Variants in LURAP1 observed in about 807,000 individuals in gnomAD.
LURAP1 encodes leucine rich adaptor protein 1, also known as NF-kappa-B activator C1orf190.
A neutral mutation model predicts 19.0 loss-of-function variants in LURAP1; 14 were observed. The observed-to-expected ratio is 0.74, with a 90% CI of 0.49 to 1.15. The LOEUF is 1.15. Ranked by LOEUF, LURAP1 falls within the 50% of genes most tolerant of loss-of-function variation. The pLI, the probability that LURAP1 is intolerant of heterozygous loss-of-function variation, is 0.00. For synonymous variants in LURAP1, 129 were observed against 131.8 expected, an observed-to-expected ratio of 0.98 and a Z score of 0.14; for missense variants, 273 against 309.1, an observed-to-expected ratio of 0.88 and a Z score of 0.87.
At chr1:46,209,476 C>T (rs1178609160) in intron 1 of LURAP1, among the ~76,000 whole-genome samples, 1 of 152,030 alleles carries the variant, frequency 6.6e-6, no homozygotes, top group Non-Finnish European at 1.5e-5. Flanking sequence ...ACTGTGCAAC[C>T]AGGTGCCACC....
At chr1:46,216,412 G>A (rs1334048537) in intron 1 of LURAP1, among the ~76,000 whole-genome samples, 1 of 152,016 alleles carries the variant, frequency 6.6e-6, no homozygotes, top group Non-Finnish European at 1.5e-5. Context: ...CACCACCATG[G>A]ATCACTGCAG....
At chr1:46,206,024 A>G (rs924684794) in intron 1 of LURAP1, among the ~76,000 whole-genome samples, 1 of 152,202 alleles carries the variant, frequency 6.6e-6, no homozygotes, top group Non-Finnish European at 1.5e-5. Context: ...TCTACCCTCC[A>G]TTCAAAGGTT....
chr1:46,215,598 GAAAATT>G (rs1306158985), intron 1 of LURAP1, among the ~76,000 whole-genome samples: 1 of 152,176 alleles, frequency 6.6e-6, no homozygotes, highest in African/African-American at 2.4e-5. Flanking sequence ...GGCTAACACT[GAAAATT>G]AAAAGACATG....
At chr1:46,203,767 G>C in intron 1 of LURAP1, 143 bp downstream of exon 1, 1 of 751,606 alleles carries the variant, frequency 1.3e-6, no homozygotes, top group East Asian at 3.2e-5. Flanking sequence ...AGATCAATCC[G>C]TAAACGCTGG....
chr1:46,204,520 G>A (rs1658652885), intron 1 of LURAP1, among the ~76,000 whole-genome samples: 1 of 144,166 alleles, frequency 6.9e-6, no homozygotes. Context: ...CAGTGAGTAC[G>A]TCAGCTAAAG....
intron 1 of LURAP1, among the ~76,000 whole-genome samples, chr1:46,215,691 G>T (rs1250794928): frequency 6.6e-6 from 1 of 152,188 alleles, no homozygotes; most frequent in Non-Finnish European, 1.5e-5. Context: ...TTGAGCTCAG[G>T]AGTTTGAGAC....
At chr1:46,216,534 G>A (rs1299118374) in intron 1 of LURAP1, among the ~76,000 whole-genome samples, 1 of 152,068 alleles carries the variant, frequency 6.6e-6, no homozygotes. Flanking sequence ...TAGAGACAGT[G>A]TCTCACTCTG....
At chr1:46,218,901 C>T (rs2148254905) in intron 1 of LURAP1, among the ~76,000 whole-genome samples, 1 of 152,202 alleles carries the variant, frequency 6.6e-6, no homozygotes, top group Admixed American at 6.5e-5. Flanking sequence ...CTTTATTCCC[C>T]AGCTCCTGCC....
intron 1 of LURAP1, among the ~76,000 whole-genome samples, chr1:46,208,565 C>T (rs998008955): frequency 6.6e-6 from 1 of 152,020 alleles, no homozygotes; most frequent in African/African-American, 2.4e-5. Flanking sequence ...GATTGAGGGC[C>T]GGCACGGTGG....
intron 1 of LURAP1, among the ~76,000 whole-genome samples, chr1:46,215,238 A>G (rs2148250438): frequency 6.6e-6 from 1 of 152,096 alleles, no homozygotes; most frequent in African/African-American, 2.4e-5. Context: ...AAAAAAAAAA[A>G]AAAAAGAGAT....
At chr1:46,213,396 C>T (rs1269678416) in intron 1 of LURAP1, among the ~76,000 whole-genome samples, 1 of 113,094 alleles carries the variant, frequency 8.8e-6, no homozygotes, top group South Asian at 2.8e-4. Context: ...CTAGTTTGTG[C>T]ATTTACCCTG....
intron 1 of LURAP1, among the ~76,000 whole-genome samples, chr1:46,208,161 A>G (rs1044268553): frequency 4.6e-5 from 7 of 151,646 alleles, no homozygotes; most frequent in African/African-American, 1.5e-4. Flanking sequence ...CACCAGCCTT[A>G]TTTATTTTTT....
rs1659201530 is a variant in LURAP1, at chr1:46,220,313, A to G, written c.*93A>G. ...ATTCTCCCTCAGTCTGAGACTAGGA[A>G]GAGGCTGCACTGAAATCAGTTACCA... On this transcript the variant is annotated 3_prime_UTR_variant, in exon 2 of 2. Coordinates refer to ENST00000371980, the MANE Select transcript of LURAP1 (RefSeq NM_001013615.3). The G allele has an allele frequency of 3.7e-6, 5 of 1,346,790 alleles. No individual in the cohort carries two copies. Among genetic ancestry groups the G allele is most frequent in the Admixed American group, 2.2e-5 (1 of 44,586 alleles). 83.4% of individuals were successfully genotyped at this position (1,346,790 alleles called of 1,614,324 possible). A position where few individuals can be genotyped will look rare whatever the true frequency, so the allele number is the denominator to read the frequency against.
In LURAP1 at chr1:46,203,354, G is replaced by C. The variant is rs1180324079; in HGVS notation, c.-73G>C. The C allele has an allele frequency of 7.3e-7, 1 of 1,371,602 alleles. No homozygotes were observed. The highest frequency in any genetic ancestry group is 1.5e-5 in the African/African-American group (1 of 65,866). 85.0% of individuals were successfully genotyped at this position (1,371,602 alleles called of 1,614,324 possible). A position where few individuals can be genotyped will look rare whatever the true frequency, so the allele number is the denominator to read the frequency against. On this transcript the variant is annotated 5_prime_UTR_variant, in exon 1 of 2. Coordinates refer to ENST00000371980, the MANE Select transcript of LURAP1 (RefSeq NM_001013615.3). ...CCACCGGTTTTGCTCCGCTTTAGCA[G>C]CGGCGAAGGGAGGACCCCCGGGAGC...
At chr1:46,205,994 C>T (rs1445261770) in intron 1 of LURAP1, among the ~76,000 whole-genome samples, 3 of 152,192 alleles carry the variant, frequency 2.0e-5, no homozygotes, top group African/African-American at 4.8e-5. Context: ...CTCTAGGCCT[C>T]GTCCCTCCTG....
chr1:46,207,184 G>A (rs1441200374), intron 1 of LURAP1, among the ~76,000 whole-genome samples: 3 of 151,958 alleles, frequency 2.0e-5, no homozygotes, highest in African/African-American at 4.8e-5. Flanking sequence ...AAGCTCAAGC[G>A]GTTCTCCTGC....
chr1:46,212,544 G>T (rs1356354014), intron 1 of LURAP1, among the ~76,000 whole-genome samples: 2 of 151,710 alleles, frequency 1.3e-5, no homozygotes, highest in African/African-American at 2.4e-5. Context: ...GCCTCCCAAA[G>T]TGCTGGGATT....
chr1:46,220,105 C>A lies in LURAP1; in HGVS notation c.605C>A (p.Pro202Gln), dbSNP rs768034344. Reference sequence around the variant, plus strand: ...AGCTTGAGAGCTGTGTGGAAGCCCCCAGGGGAGAGGCTTCAAGGTGGACCA... The same window carrying A: ...AGCTTGAGAGCTGTGTGGAAGCCCCAAGGGGAGAGGCTTCAAGGTGGACCA... ...LGSLRAVWKPPGERLQGGPPE... is the reference protein window; with the variant it reads ...LGSLRAVWKPQGERLQGGPPE... Residue 202 changes from proline (P) to glutamine (Q), a missense_variant, in exon 2 of 2, where the codon CCA becomes CAA. By Grantham distance (76) the Pro-to-Gln change is moderately conservative. Coordinates refer to ENST00000371980, the MANE Select transcript of LURAP1 (RefSeq NM_001013615.3). 1 of 1,614,208 alleles carries A rather than the reference C, an allele frequency of 6.2e-7. No homozygotes were observed. The highest frequency in any genetic ancestry group is 8.5e-7 in the Non-Finnish European group (1 of 1,180,036).
intron 1 of LURAP1, among the ~76,000 whole-genome samples, chr1:46,215,772 C>G (rs1006077643): frequency 6.6e-6 from 1 of 152,080 alleles, no homozygotes; most frequent in Non-Finnish European, 1.5e-5. Flanking sequence ...TAGGTACATG[C>G]CTGTAGTCCA....
Sources: gnomAD v4.1 joint callset for allele counts (sites outside exome capture counted in the v4.1 genomes callset) on GRCh38, gnomAD v4.1.1 for gene constraint, MANE v1.5 for transcripts, NCBI Gene and HGNC (gene_info 2026-07-23, HGNC 2026-07-21) for gene names.